MTPAP: variants seen among roughly 807,000 people sequenced by gnomAD.
MTPAP encodes the protein poly(A) RNA polymerase, mitochondrial.
A neutral mutation model predicts 48.7 loss-of-function variants in MTPAP; 23 were observed. That is an observed-to-expected ratio of 0.47 (90% CI 0.34 to 0.67). The LOEUF (loss-of-function observed/expected upper bound fraction) is 0.67, where lower values mean the gene tolerates loss of function less well. Ranked by LOEUF, MTPAP falls within the 30% of genes least tolerant of loss-of-function variation. The pLI, the probability that MTPAP is intolerant of heterozygous loss-of-function variation, is 0.01. For synonymous variants in MTPAP, 257 were observed against 254.1 expected (o/e 1.01, Z -0.11); for missense variants, 614 against 694.3 (o/e 0.88, Z 1.30).
rs544202683 is a variant in MTPAP, at chr10:30,311,255, A to T, written c.*2354T>A. ...AAGACATCGCCTGTACAGAACACTG[A>T]TATTTGTTGGTGTCAAATGTGCAAT... On this transcript the variant is annotated 3_prime_UTR_variant, in exon 9 of 9. Transcript: ENST00000263063. 7 of 152,346 alleles carry T rather than the reference A, an allele frequency of 4.6e-5. 1 individual carries two copies. The highest frequency in any genetic ancestry group is 7.3e-5 in the Non-Finnish European group (5 of 68,042). 9.4% of individuals were successfully genotyped at this position (152,346 alleles called of 1,614,324 possible).
intron 6 of MTPAP, among the ~76,000 whole-genome samples, chr10:30,319,457 C>T (rs1295856629): frequency 6.6e-6 from 1 of 152,112 alleles, no homozygotes; most frequent in Non-Finnish European, 1.5e-5. Context: ...TGATTGTACA[C>T]AAGATTCAGG....
At chr10:30,341,955 C>T (rs1314091490) in intron 1 of MTPAP, among the ~76,000 whole-genome samples, 5 of 152,098 alleles carry the variant, frequency 3.3e-5, no homozygotes, top group Non-Finnish European at 5.9e-5. Flanking sequence ...TTAATAACAA[C>T]GGGCCGGGCT....
chr10:30,318,149 G>A (rs1170931814), intron 6 of MTPAP, among the ~76,000 whole-genome samples: 4 of 152,258 alleles, frequency 2.6e-5, no homozygotes, highest in Middle Eastern at 3.4e-3. Context: ...GTGAGCCACC[G>A]TGCCCGGCCC....
chr10:30,319,345 T>C (rs1180976208), intron 6 of MTPAP, among the ~76,000 whole-genome samples: 1 of 152,032 alleles, frequency 6.6e-6, no homozygotes, highest in Non-Finnish European at 1.5e-5. Flanking sequence ...TGCCTTCTAT[T>C]AATAAACAAG....
chr10:30,325,973 CTA>C (rs1280234156), intron 5 of MTPAP, among the ~76,000 whole-genome samples: 1 of 151,994 alleles, frequency 6.6e-6, no homozygotes, highest in Non-Finnish European at 1.5e-5. Context: ...ACAAAGTTGA[CTA>C]TATATCTGGA....
intron 1 of MTPAP, among the ~76,000 whole-genome samples, chr10:30,343,219 T>A (rs976178728): frequency 6.6e-6 from 1 of 151,652 alleles, no homozygotes; most frequent in Non-Finnish European, 1.5e-5. Context: ...GAGACGGAGG[T>A]GGGCGGATCA....
At chr10:30,331,306 G>A (rs1451820336) in intron 4 of MTPAP, among the ~76,000 whole-genome samples, 3 of 152,160 alleles carry the variant, frequency 2.0e-5, no homozygotes, top group Admixed American at 2.0e-4. Flanking sequence ...CAGAAGTTAA[G>A]CACACTGTCC....
At chr10:30,319,124 G>A (rs1488625881) in intron 6 of MTPAP, among the ~76,000 whole-genome samples, 3 of 152,140 alleles carry the variant, frequency 2.0e-5, no homozygotes, top group Non-Finnish European at 4.4e-5. Context: ...ATGAAAAAAA[G>A]CACAAAACAT....
chr10:30,341,378 T>C (rs1834804500), intron 2 of MTPAP, 90 bp downstream of exon 2: 5 of 1,504,302 alleles, frequency 3.3e-6, no homozygotes, highest in East Asian at 4.9e-5. Flanking sequence ...ACCTACCATA[T>C]TGCAAAAAGC....
rs771634268 is a variant in MTPAP, at chr10:30,322,556, C to T, written c.1054G>A (p.Ala352Thr). 36 of 1,614,064 alleles carry T rather than the reference C, an allele frequency of 2.2e-5. No homozygotes were observed. The highest frequency in any genetic ancestry group is 3.3e-5 in the Admixed American group (2 of 60,026). The stretch of plus-strand genomic sequence containing the variant: ...CAGCACCGTACACTGAACACCAAGG[C>T]TCTCACTCTTGAGTCTAGGGCACCA... The part of the protein sequence containing the change: ...IYGALDSRVR[A>T]LVFSVRCWAR... The change falls in exon 6 of 9, where the codon GCC becomes ACC. Residue 352 changes from alanine (A) to threonine (T), a missense_variant. By Grantham distance (58) the Ala-to-Thr change is moderately conservative. Transcript: ENST00000263063.
chr10:30,348,182 C>T (rs753169501), intron 1 of MTPAP, among the ~76,000 whole-genome samples: 18 of 152,164 alleles, frequency 1.2e-4, no homozygotes, highest in Non-Finnish European at 1.8e-4. Flanking sequence ...GAAGTAGCTT[C>T]CACTAAATAC....
Position 30,311,549 on chromosome 10 carries a change from C to G in MTPAP, c.*2060G>C, listed in dbSNP as rs1840592572. 6.6e-6 allele frequency: 1 copy of G among 152,164 alleles called. No individual in the cohort carries two copies. 9.4% of individuals were successfully genotyped at this position (152,164 alleles called of 1,614,324 possible). A position where few individuals can be genotyped will look rare whatever the true frequency, so the allele number is the denominator to read the frequency against. ...ACCTAGCATTTTCCTACATCCCTCG[C>G]TTAATCCTCACATTGATCTGATCAT... On this transcript the variant is annotated 3_prime_UTR_variant, in exon 9 of 9. Coordinates refer to ENST00000263063, the MANE Select transcript of MTPAP (RefSeq NM_018109.4).
chr10:30,341,698 T>C, intron 1 of MTPAP, 58 bp from the exon 2 acceptor site: 1 of 1,589,492 alleles, frequency 6.3e-7, no homozygotes, highest in Non-Finnish European at 8.6e-7. Flanking sequence ...TTTAAAAATA[T>C]TTTGATAAGG....
intron 4 of MTPAP, among the ~76,000 whole-genome samples, chr10:30,336,220 A>C (rs1012375413): frequency 3.3e-5 from 5 of 152,162 alleles, no homozygotes; most frequent in African/African-American, 1.2e-4. Flanking sequence ...AAAATAAAGA[A>C]ACAGAAGACA....
rs564575531 is a variant in MTPAP at position 30,325,823 on chromosome 10, A to G, written c.992+601T>C. On this transcript the variant is annotated intron_variant, in intron 5 of 8. Transcript: ENST00000263063. ...GAAACCAGGAAAAGTCATCAGTACA[A>G]AAGAACTTTTCCCACCCCACTTTTT... Among the ~76,000 whole-genome samples, 4 of 126,146 alleles carry G rather than the reference A, an allele frequency of 3.2e-5. No homozygotes were observed. The East Asian group carries it at 1.6e-3, about 50-fold the overall frequency. 82.8% of individuals were successfully genotyped at this position (126,146 alleles called of 152,430 possible).
chr10:30,334,406 A>G (rs960220057), intron 4 of MTPAP, among the ~76,000 whole-genome samples: 2 of 152,152 alleles, frequency 1.3e-5, no homozygotes. Context: ...CAAGCCTGTA[A>G]TCCCAGCACT....
intron 8 of MTPAP, among the ~76,000 whole-genome samples, chr10:30,315,753 C>T (rs1840654295): frequency 6.6e-6 from 1 of 152,140 alleles, no homozygotes; most frequent in Admixed American, 6.5e-5. Flanking sequence ...AAGGCAGATG[C>T]TAAAGAGCTG....
At chr10:30,314,154 G>T (rs1840634267) in intron 8 of MTPAP, among the ~76,000 whole-genome samples, 183 bp from the exon 9 acceptor site, 1 of 148,102 alleles carries the variant, frequency 6.8e-6, no homozygotes, top group South Asian at 2.2e-4. Flanking sequence ...CTCATTTTTT[G>T]TTTTTTTTTT....
At chr10:30,332,930 G>GTGAAA (rs2132859775) in intron 4 of MTPAP, among the ~76,000 whole-genome samples, 1 of 152,002 alleles carries the variant, frequency 6.6e-6, no homozygotes, top group Non-Finnish European at 1.5e-5. Flanking sequence ...GACCATCCTG[G>GTGAAA]CTAACACGGT....
Sources: allele counts gnomAD v4.1 joint callset (sites outside exome capture counted in the v4.1 genomes callset), GRCh38; gene constraint gnomAD v4.1.1; transcripts MANE v1.5; gene names NCBI Gene and HGNC (gene_info 2026-07-23, HGNC 2026-07-21).